Variants in SLC4A4 observed in about 807,000 individuals in gnomAD.
SLC4A4 encodes electrogenic sodium bicarbonate cotransporter 1.
Under a neutral mutation model 111.5 loss-of-function variants are expected in SLC4A4, and 27 were observed. The ratio of observed to expected loss-of-function variants is 0.24; its 90% CI spans 0.18 to 0.33. The LOEUF is 0.33. Among genes scored for constraint, SLC4A4 ranks in the 10% least tolerant of loss-of-function variants. SLC4A4 has a pLI of 1.00. For missense variants in SLC4A4, 909 were observed against 1,315.5 expected, an observed-to-expected ratio of 0.69 and a Z score of 4.78; for synonymous variants, 443 against 463.4, an observed-to-expected ratio of 0.96 and a Z score of 0.57.
At chr4:71,434,055 A>G (rs1392860881) in intron 7 of SLC4A4, among the ~76,000 whole-genome samples, 1 of 152,100 alleles carries the variant, frequency 6.6e-6, no homozygotes, top group East Asian at 1.9e-4. Flanking sequence ...TATCATGTGT[A>G]TGCCCATACA....
intron 3 of SLC4A4, among the ~76,000 whole-genome samples, chr4:71,311,419 T>G (rs1427484020): frequency 6.6e-6 from 1 of 152,160 alleles, no homozygotes; most frequent in Admixed American, 6.5e-5. Flanking sequence ...TAGCACTTAC[T>G]CTAAAATCGA....
intron 16 of SLC4A4, among the ~76,000 whole-genome samples, chr4:71,505,349 C>T (rs541301324): frequency 6.6e-6 from 1 of 152,168 alleles, no homozygotes; most frequent in South Asian, 2.1e-4. Flanking sequence ...CACAACTTTG[C>T]CAGCATCTGC....
chr4:71,248,177 A>C (rs1030356156), intron 2 of SLC4A4, among the ~76,000 whole-genome samples: 13 of 152,158 alleles, frequency 8.5e-5, no homozygotes, highest in African/African-American at 3.1e-4. Flanking sequence ...TCTGGAGAAC[A>C]AAGAGTGTTC....
chr4:71,284,208 A>T (rs922281923), intron 3 of SLC4A4, among the ~76,000 whole-genome samples: 4 of 152,204 alleles, frequency 2.6e-5, no homozygotes, highest in Non-Finnish European at 5.9e-5. Flanking sequence ...CTACTCCTTT[A>T]ATGGTAGAAA....
chr4:71,069,382 A>G (rs932256104), intron 1 of SLC4A4, among the ~76,000 whole-genome samples: 2 of 152,216 alleles, frequency 1.3e-5, no homozygotes, highest in Non-Finnish European at 2.9e-5. Flanking sequence ...ACAGAAAAAC[A>G]AAAACAAGAA....
At chr4:71,504,669 G>T (rs1188273870) in intron 16 of SLC4A4, among the ~76,000 whole-genome samples, 3 of 143,598 alleles carry the variant, frequency 2.1e-5, no homozygotes, top group African/African-American at 5.0e-5. Flanking sequence ...TTCATGGGGG[G>T]GGGGGTGTTA....
chr4:71,193,467 A>G (rs1220315323), intron 1 of SLC4A4, among the ~76,000 whole-genome samples: 1 of 151,980 alleles, frequency 6.6e-6, no homozygotes, highest in Non-Finnish European at 1.5e-5. Flanking sequence ...CCCATGTGGG[A>G]ATTTCAGTTG....
At chr4:71,197,828 A>C (rs908790691) in intron 1 of SLC4A4, among the ~76,000 whole-genome samples, 4 of 152,226 alleles carry the variant, frequency 2.6e-5, no homozygotes, top group African/African-American at 9.7e-5. Context: ...ATTATAAAAA[A>C]TAGAATTAGA....
At chr4:71,472,197 A>C (rs959686966) in intron 13 of SLC4A4, among the ~76,000 whole-genome samples, 1 of 151,974 alleles carries the variant, frequency 6.6e-6, no homozygotes, top group Non-Finnish European at 1.5e-5. Flanking sequence ...AGCCAGAATT[A>C]GTTACTCCTT....
rs1015221773 is a variant in SLC4A4 at position 71,333,998 on chromosome 4, A to G, written c.254-5372A>G. On this transcript the variant is annotated intron_variant, in intron 3 of 25. Transcript: ENST00000264485. ...TGGGGATCATAGGAGCCTGCTTGGT[A>G]CTCTGCTCCACTGTGGCTGAGCTGG... Among the ~76,000 whole-genome samples the G allele has an allele frequency of 3.3e-5, 5 of 151,406 alleles. No homozygotes were observed. The South Asian group carries it at 1.1e-3, about 32-fold the overall frequency.
At chr4:71,478,684 T>C (rs552595116) in intron 14 of SLC4A4, among the ~76,000 whole-genome samples, 1 of 151,660 alleles carries the variant, frequency 6.6e-6, no homozygotes, top group Admixed American at 6.6e-5. Context: ...CAAACCACCA[T>C]GGCACATGTA....
chr4:71,215,831 C>T (rs1718394783), intron 1 of SLC4A4, among the ~76,000 whole-genome samples: 1 of 151,818 alleles, frequency 6.6e-6, no homozygotes, highest in South Asian at 2.1e-4. Context: ...TTCTGTAATG[C>T]ATTGTACAGA....
intron 12 of SLC4A4, among the ~76,000 whole-genome samples, chr4:71,460,962 C>G (rs1350745861): frequency 2.6e-5 from 4 of 151,948 alleles, no homozygotes; most frequent in Non-Finnish European, 5.9e-5. Flanking sequence ...TATTTTTGAT[C>G]GTGTGGTTTG....
chr4:71,451,264 G>A lies in SLC4A4; in HGVS notation c.1285G>A (p.Gly429Arg). Residue 429 changes from glycine (G) to arginine (R), a missense_variant, in exon 11 of 26, where the codon GGA becomes AGA. Gly to Arg is a moderately radical substitution (Grantham distance 125). Coordinates refer to ENST00000264485, the MANE Select transcript of SLC4A4 (RefSeq NM_001098484.3). ...TPHDGGHGGGGHGDCEELQRT... is the reference protein window; with the variant it reads ...TPHDGGHGGGRHGDCEELQRT... ...CCATGATGGAGGTCACGGAGGAGGA[G>A]GACATGGGGATTGTGAAGAATTGCA... 2 of 1,613,118 alleles carry A rather than the reference G, an allele frequency of 1.2e-6. No individual in the cohort carries two copies. The highest frequency in any genetic ancestry group is 1.7e-6 in the Non-Finnish European group (2 of 1,179,128).
At chr4:71,164,171 A>G (rs71599991) in intron 2 of SLC4A4, among the ~76,000 whole-genome samples, 6,728 of 152,242 alleles carry the variant, frequency 0.044, 221 homozygotes, top group Non-Finnish European at 0.069. Context: ...ACCTGAGGTC[A>G]GGAGTTTGAG....
At chr4:71,452,717 C>T (rs898080364) in intron 11 of SLC4A4, among the ~76,000 whole-genome samples, 4 of 152,134 alleles carry the variant, frequency 2.6e-5, no homozygotes, top group Admixed American at 2.0e-4. Flanking sequence ...AACTGACCTG[C>T]TGACATTTGT....
rs549752797 is a variant in SLC4A4, at chr4:71,157,503, A to G, written c.-2+64711A>G. 4.6e-5 allele frequency among the ~76,000 whole-genome samples: 7 copies of G among 152,314 alleles called. No individual in the cohort carries two copies. The South Asian group carries it at 1.5e-3, about 32-fold the overall frequency. On this transcript the variant is annotated intron_variant, in intron 2 of 26. Transcript: ENST00000649996. Reference sequence around the variant, plus strand: ...ATGTCTAGATCTTTTGCATACCAAAATGATAAAAATTAGCATAAGCAATAT... The same window carrying G: ...ATGTCTAGATCTTTTGCATACCAAAGTGATAAAAATTAGCATAAGCAATAT...
chr4:71,316,427 C>T (rs752930424), intron 3 of SLC4A4, among the ~76,000 whole-genome samples: 5 of 152,108 alleles, frequency 3.3e-5, no homozygotes, highest in Non-Finnish European at 7.4e-5. Context: ...CTGTAAACAT[C>T]TGTTTGACAT....
At chr4:71,090,742 A>C (rs760686544) in intron 1 of SLC4A4, among the ~76,000 whole-genome samples, 2 of 152,200 alleles carry the variant, frequency 1.3e-5, no homozygotes, top group African/African-American at 4.8e-5. Context: ...ACCTCTTCAG[A>C]GTGACTTTTT....
Sources: gnomAD v4.1 joint callset for allele counts (sites outside exome capture counted in the v4.1 genomes callset) on GRCh38, gnomAD v4.1.1 for gene constraint, MANE v1.5 for transcripts, NCBI Gene and HGNC (gene_info 2026-07-23, HGNC 2026-07-21) for gene names.